LINGO2: variants seen among roughly 807,000 people sequenced by gnomAD.
The protein encoded by LINGO2 is leucine-rich repeat and immunoglobulin-like domain-containing nogo receptor-interacting protein 2.
LINGO2 carries 14 observed loss-of-function variants against 30.6 expected under a neutral mutation model. The ratio of observed to expected loss-of-function variants is 0.46; its 90% CI spans 0.30 to 0.72. The LOEUF is 0.72. Among genes scored for constraint, LINGO2 ranks in the 30% least tolerant of loss-of-function variants. The pLI is 0.07. For missense variants in LINGO2, 729 were observed against 751.7 expected, an observed-to-expected ratio of 0.97 and a Z score of 0.35; for synonymous variants, 317 against 288.5, an observed-to-expected ratio of 1.10 and a Z score of -1.00.
At chr9:28,338,933 TAACA>T (rs138977097) in intron 3 of LINGO2, among the ~76,000 whole-genome samples, 42 of 151,712 alleles carry the variant, frequency 2.8e-4, no homozygotes, top group Non-Finnish European at 4.4e-4. Flanking sequence ...AAAGCAAAAT[TAACA>T]AACAAACAAA....
intron 3 of LINGO2, among the ~76,000 whole-genome samples, chr9:28,362,168 CA>C (rs1820471474): frequency 6.6e-6 from 1 of 152,094 alleles, no homozygotes; most frequent in Admixed American, 6.5e-5. Flanking sequence ...CAATATAAGC[CA>C]AACTAGGTTT....
chr9:28,300,029 C>G (rs1006058801), intron 3 of LINGO2, among the ~76,000 whole-genome samples: 8 of 150,814 alleles, frequency 5.3e-5, no homozygotes, highest in Middle Eastern at 6.4e-3. Context: ...GATACCAAAG[C>G]CAACAAACAA....
the LINGO2 span, among the ~76,000 whole-genome samples, chr9:28,870,996 G>A: frequency 1.3e-5 from 2 of 151,712 alleles, no homozygotes; most frequent in Admixed American, 6.6e-5. Context: ...ATTTCAAAAT[G>A]AACACACAAT....
intron 1 of LINGO2, among the ~76,000 whole-genome samples, chr9:28,608,369 T>C (rs1158244124): frequency 1.3e-5 from 2 of 152,028 alleles, no homozygotes; most frequent in Non-Finnish European, 2.9e-5. Context: ...GAGTTTGAAC[T>C]TAAGATTGAA....
intron 4 of LINGO2, among the ~76,000 whole-genome samples, chr9:28,156,631 A>G (rs867040648): frequency 2.0e-5 from 3 of 152,254 alleles, no homozygotes; most frequent in South Asian, 2.1e-4. Context: ...AAAAGTCCAC[A>G]GTCAAAAGTC....
chr9:28,351,060 A>C (rs138577698), intron 3 of LINGO2, among the ~76,000 whole-genome samples: 133,344 of 151,046 alleles, frequency 0.88, 59,517 homozygotes, highest in Non-Finnish European at 0.95. Context: ...AAGATCCAAA[A>C]TTGGCACCCT....
the LINGO2 span, among the ~76,000 whole-genome samples, chr9:28,915,888 T>C: frequency 6.6e-6 from 1 of 152,208 alleles, no homozygotes; most frequent in Non-Finnish European, 1.5e-5. Context: ...TTCAAGTTTC[T>C]GCTAATGTCT....
intron 4 of LINGO2, among the ~76,000 whole-genome samples, chr9:28,061,793 T>G (rs1371648486): frequency 1.3e-5 from 2 of 152,112 alleles, no homozygotes; most frequent in Non-Finnish European, 2.9e-5. Flanking sequence ...AACTTCGACT[T>G]GGAAACCATA....
At chr9:29,056,201 A>T in the LINGO2 span, among the ~76,000 whole-genome samples, 1 of 152,080 alleles carries the variant, frequency 6.6e-6, no homozygotes, top group Non-Finnish European at 1.5e-5. Context: ...TGGTTGTACT[A>T]GTTTACATTC....
At chr9:28,550,486 C>T (rs887948598) in intron 1 of LINGO2, among the ~76,000 whole-genome samples, 5 of 151,706 alleles carry the variant, frequency 3.3e-5, no homozygotes, top group Non-Finnish European at 5.9e-5. Flanking sequence ...CTTTTGTCTA[C>T]TTTTAATTCA....
At chr9:28,983,008 TC>T in the LINGO2 span, among the ~76,000 whole-genome samples, 1 of 151,880 alleles carries the variant, frequency 6.6e-6, no homozygotes, top group Non-Finnish European at 1.5e-5. Context: ...GCCTACTTTT[TC>T]CCAATATTTT....
rs1263947307 is a variant in LINGO2, at chr9:28,072,727, C to A, written c.-86-60322G>T. Among the ~76,000 whole-genome samples the A allele has an allele frequency of 2.0e-5, 3 of 152,094 alleles. No homozygotes were observed. The South Asian group carries it at 6.2e-4, about 32-fold the overall frequency. ...ATCTGTTATTTCATCTGTACCTTCTCCAGTGTAAAATACCCCAGAGTCTTG... is the reference window on the plus strand; with the variant it reads ...ATCTGTTATTTCATCTGTACCTTCTACAGTGTAAAATACCCCAGAGTCTTG... On this transcript the variant is annotated intron_variant, in intron 4 of 5. Coordinates refer to ENST00000379992, the Ensembl canonical transcript of LINGO2.
At chr9:28,151,404 CATA>C (rs1827996599) in intron 4 of LINGO2, among the ~76,000 whole-genome samples, 1 of 151,752 alleles carries the variant, frequency 6.6e-6, no homozygotes, top group South Asian at 2.1e-4. Context: ...TATATTTATA[CATA>C]CACACATATA....
chr9:28,099,539 A>G (rs1826348873), intron 4 of LINGO2, among the ~76,000 whole-genome samples: 1 of 152,116 alleles, frequency 6.6e-6, no homozygotes, highest in Admixed American at 6.6e-5. Context: ...GATACTGTCC[A>G]ATCTCTCCAT....
At chr9:28,045,690 A>C (rs1187264592) in intron 4 of LINGO2, among the ~76,000 whole-genome samples, 1 of 152,134 alleles carries the variant, frequency 6.6e-6, no homozygotes, top group Non-Finnish European at 1.5e-5. Flanking sequence ...AACACATTAC[A>C]ATTAATAAGC....
chr9:28,061,590 A>G (rs1023675663), intron 4 of LINGO2, among the ~76,000 whole-genome samples: 20 of 152,052 alleles, frequency 1.3e-4, no homozygotes, highest in African/African-American at 4.8e-4. Context: ...AAATAAAAGG[A>G]AAATATGACC....
At chr9:28,791,933 A>C in the LINGO2 span, among the ~76,000 whole-genome samples, 4 of 151,740 alleles carry the variant, frequency 2.6e-5, no homozygotes, top group South Asian at 6.2e-4. Context: ...AATATATATG[A>C]TATATAATCA....
intron 4 of LINGO2, among the ~76,000 whole-genome samples, chr9:28,227,404 C>A (rs1470379571): frequency 6.6e-6 from 1 of 152,018 alleles, no homozygotes; most frequent in East Asian, 1.9e-4. Context: ...ATTTTTTCAT[C>A]CCATCTGACC....
At chr9:28,506,374 T>C (rs1431505140) in intron 1 of LINGO2, among the ~76,000 whole-genome samples, 1 of 146,474 alleles carries the variant, frequency 6.8e-6, no homozygotes, top group Non-Finnish European at 1.5e-5. Flanking sequence ...GAAGATCTTC[T>C]AGTTTTAATT....
Sources: gnomAD v4.1 joint callset for allele counts (sites outside exome capture counted in the v4.1 genomes callset) on GRCh38, gnomAD v4.1.1 for gene constraint, MANE v1.5 for transcripts, NCBI Gene and HGNC (gene_info 2026-07-23, HGNC 2026-07-21) for gene names.